Variants in SNTG1 observed in about 807,000 individuals in gnomAD.
The protein encoded by SNTG1 is gamma-1-syntrophin.
Under a neutral mutation model 74.7 loss-of-function variants are expected in SNTG1, and 39 were observed. The observed-to-expected ratio is 0.52, with a 90% CI of 0.40 to 0.68. SNTG1 has a LOEUF of 0.68. Among genes scored for constraint, SNTG1 ranks in the 30% least tolerant of loss-of-function variants. The pLI is 0.00. For missense variants in SNTG1, 685 were observed against 609.5 expected (o/e 1.12, Z -1.30); for synonymous variants, 254 against 217.1 (o/e 1.17, Z -1.49).
intron 8 of SNTG1, among the ~76,000 whole-genome samples, chr8:50,487,182 G>A (rs1454237446): frequency 6.6e-6 from 1 of 152,114 alleles, no homozygotes; most frequent in East Asian, 1.9e-4. Context: ...AAAAAGTCAG[G>A]AAACAACAGG....
At chr8:50,078,607 C>T (rs1822115862) in intron 1 of SNTG1, among the ~76,000 whole-genome samples, 1 of 152,048 alleles carries the variant, frequency 6.6e-6, no homozygotes, top group Admixed American at 6.6e-5. Flanking sequence ...AGGTTTATTA[C>T]ATAGGTAAAC....
intron 1 of SNTG1, among the ~76,000 whole-genome samples, chr8:49,920,275 T>C (rs1585502471): frequency 6.6e-6 from 1 of 152,046 alleles, no homozygotes; most frequent in African/African-American, 2.4e-5. Flanking sequence ...ACATTCTATG[T>C]GTTATACATG....
intron 2 of SNTG1, among the ~76,000 whole-genome samples, chr8:50,347,529 C>A (rs896853418): frequency 6.6e-6 from 1 of 152,162 alleles, no homozygotes; most frequent in Admixed American, 6.5e-5. Flanking sequence ...GTCCATTAGA[C>A]CAATGAGTAG....
intron 1 of SNTG1, among the ~76,000 whole-genome samples, chr8:49,953,653 C>T (rs140627396): frequency 2.6e-3 from 391 of 152,274 alleles, no homozygotes; most frequent in African/African-American, 8.4e-3. Context: ...GTTATCTCAT[C>T]AGGGTATGTT....
At chr8:49,981,320 G>A (rs1175817909) in intron 1 of SNTG1, among the ~76,000 whole-genome samples, 1 of 152,140 alleles carries the variant, frequency 6.6e-6, no homozygotes, top group African/African-American at 2.4e-5. Context: ...TACCAATAAA[G>A]GCAAATGTAA....
chr8:50,777,265 G>C (rs2095643631), intron 18 of SNTG1, among the ~76,000 whole-genome samples: 1 of 145,644 alleles, frequency 6.9e-6, no homozygotes, highest in African/African-American at 2.5e-5. Context: ...ATATATATTT[G>C]TTTTAGTCTC....
In SNTG1 at chr8:50,462,794, C is replaced by CTTTTTTTTTTTTTTTTTTTT. The variant is rs2093576027; in HGVS notation, c.363+12066_363+12067insTTTTTTTTTTTTTTTTTTTT. Among the ~76,000 whole-genome samples the CTTTTTTTTTTTTTTTTTTTT allele has an allele frequency of 5.7e-4, 25 of 43,628 alleles. 11 individuals are homozygous for CTTTTTTTTTTTTTTTTTTTT. Among genetic ancestry groups the CTTTTTTTTTTTTTTTTTTTT allele is most frequent in the South Asian group, 1.7e-3 (2 of 1,188 alleles). The allele number at this position is 43,628 out of a possible 152,430, so 28.6% of individuals were successfully genotyped here. ...AACTCAGTCGCATCTTCAGGTTCTACTCTTTTTTTTTTTTTTTTTTTTTTT... is the reference window on the plus strand; with the variant it reads ...AACTCAGTCGCATCTTCAGGTTCTACTTTTTTTTTTTTTTTTTTTTTCTTTTTTTTTTTTTTTTTTTTTTT... On this transcript the variant is annotated intron_variant, in intron 8 of 18. Transcript: ENST00000642720.
intron 2 of SNTG1, among the ~76,000 whole-genome samples, chr8:50,187,096 T>G (rs932051126): frequency 6.6e-6 from 1 of 152,020 alleles, no homozygotes; most frequent in Non-Finnish European, 1.5e-5. Flanking sequence ...CAGCCCAAAG[T>G]AATTTATAGG....
At chr8:50,322,804 G>T (rs1410192924) in intron 2 of SNTG1, among the ~76,000 whole-genome samples, 2 of 151,538 alleles carry the variant, frequency 1.3e-5, no homozygotes, top group Non-Finnish European at 2.9e-5. Context: ...TCTTCTGCTT[G>T]ATCAATTCTG....
At chr8:50,232,890 C>T (rs1365139896) in intron 2 of SNTG1, among the ~76,000 whole-genome samples, 1 of 151,342 alleles carries the variant, frequency 6.6e-6, no homozygotes, top group African/African-American at 2.4e-5. Flanking sequence ...AGGACTTTAA[C>T]CCGAAAACTC....
At chr8:50,130,660 A>T (rs1158848500) in intron 1 of SNTG1, among the ~76,000 whole-genome samples, 1 of 152,126 alleles carries the variant, frequency 6.6e-6, no homozygotes. Context: ...TTGCGTTAAA[A>T]GATGCTCAAT....
rs543635436 is a variant in SNTG1 at position 50,410,611 on chromosome 8, T to C, written c.162+8267T>C. On this transcript the variant is annotated intron_variant, in intron 4 of 18. Transcript: ENST00000642720. The stretch of plus-strand genomic sequence containing the variant: ...ACCTCCCCTGCTATATATTAGACCC[T>C]GAGATCTTGTTCATTTTATAACTGA... 3.9e-5 allele frequency among the ~76,000 whole-genome samples: 6 copies of C among 152,338 alleles called. No homozygotes were observed. In the South Asian group the frequency reaches 1.0e-3, roughly 26 times the overall value.
intron 15 of SNTG1, among the ~76,000 whole-genome samples, chr8:50,698,895 T>C (rs1272924120): frequency 1.3e-5 from 2 of 152,122 alleles, no homozygotes; most frequent in Non-Finnish European, 2.9e-5. Context: ...CTCTCCCATA[T>C]TGGGAATTTA....
chr8:49,986,095 C>T (rs1813125872), intron 1 of SNTG1, among the ~76,000 whole-genome samples: 1 of 152,082 alleles, frequency 6.6e-6, no homozygotes, highest in South Asian at 2.1e-4. Flanking sequence ...ATAAAACATC[C>T]TAAAAACTTT....
intron 15 of SNTG1, among the ~76,000 whole-genome samples, chr8:50,680,702 G>A (rs1445008046): frequency 6.6e-6 from 1 of 152,044 alleles, no homozygotes. Flanking sequence ...CCCCTAATCT[G>A]ACCAATGGTC....
In SNTG1 at chr8:50,734,396, G is replaced by C. The variant is rs117738310; in HGVS notation, c.1285-17605G>C. On this transcript the variant is annotated intron_variant, in intron 17 of 18. Transcript: ENST00000642720. ...TATACTAGCCACTTCATAAATATCT[G>C]TTGAATAAATAAATTTTTTAAATGA... Among the ~76,000 whole-genome samples, 1,408 of 151,352 alleles carry C rather than the reference G, an allele frequency of 9.3e-3. 11 individuals are homozygous for C. Among genetic ancestry groups the C allele is most frequent in the Middle Eastern group, 0.034 (10 of 292 alleles).
At chr8:50,625,449 T>C (rs2131071893) in intron 13 of SNTG1, among the ~76,000 whole-genome samples, 1 of 152,256 alleles carries the variant, frequency 6.6e-6, no homozygotes, top group Admixed American at 6.5e-5. Context: ...GGTTTAACCA[T>C]CCCATAACAC....
chr8:50,004,073 G>A (rs1814990032), intron 1 of SNTG1, among the ~76,000 whole-genome samples: 2 of 152,118 alleles, frequency 1.3e-5, no homozygotes, highest in African/African-American at 4.8e-5. Flanking sequence ...ATCAGGAAAA[G>A]CTAATACCCT....
intron 15 of SNTG1, among the ~76,000 whole-genome samples, chr8:50,688,617 T>A (rs2095363499): frequency 6.6e-6 from 1 of 152,184 alleles, no homozygotes; most frequent in Non-Finnish European, 1.5e-5. Context: ...TTGGTCTCTA[T>A]CTCTGTTTTG....
Sources: allele counts gnomAD v4.1 joint callset (sites outside exome capture counted in the v4.1 genomes callset), GRCh38; gene constraint gnomAD v4.1.1; transcripts MANE v1.5; gene names NCBI Gene and HGNC (gene_info 2026-07-23, HGNC 2026-07-21).